Variants in CHL1 observed in about 807,000 individuals in gnomAD.
CHL1 encodes cell adhesion molecule L1 like, also known as neural cell adhesion molecule L1-like protein.
A neutral mutation model predicts 141.9 loss-of-function variants in CHL1; 96 were observed. The ratio of observed to expected loss-of-function variants is 0.68; its 90% CI spans 0.57 to 0.80. The LOEUF is 0.80. Among genes scored for constraint, CHL1 ranks in the 30% least tolerant of loss-of-function variants. The pLI, the probability that CHL1 is intolerant of heterozygous loss-of-function variation, is 0.00. For missense variants in CHL1, 1,820 were observed against 1,457.2 expected, an observed-to-expected ratio of 1.25 and a Z score of -4.05; for synonymous variants, 613 against 502.2, an observed-to-expected ratio of 1.22 and a Z score of -2.95.
intron 1 of CHL1, among the ~76,000 whole-genome samples, chr3:217,187 A>T (rs963850908): frequency 6.6e-6 from 1 of 152,114 alleles, no homozygotes; most frequent in African/African-American, 2.4e-5. Flanking sequence ...AACAGAAAAA[A>T]AATTACCCAT....
chr3:278,923 G>C (rs955597573), intron 2 of CHL1, among the ~76,000 whole-genome samples: 18 of 152,326 alleles, frequency 1.2e-4, no homozygotes, highest in African/African-American at 4.1e-4. Context: ...ATGAGTTTCA[G>C]ATGTGAGTTT....
chr3:266,946 A>G (rs577072564), intron 2 of CHL1, among the ~76,000 whole-genome samples: 21 of 152,288 alleles, frequency 1.4e-4, no homozygotes, highest in African/African-American at 5.1e-4. Context: ...AATACTAGGA[A>G]TCAAGTCTGC....
rs544482348 is a variant in CHL1 at position 199,986 on chromosome 3, C to A, written c.-175+2923C>A. 1.3e-3 allele frequency among the ~76,000 whole-genome samples: 192 copies of A among 152,258 alleles called. 1 individual carries two copies. The highest frequency in any genetic ancestry group is 4.3e-3 in the African/African-American group (180 of 41,552). Reference sequence around the variant, plus strand: ...ATACTGAGAGTATTACTTCAGGTAGCAGTGTTTGGCTTTGCAAGACAACCC... The same window carrying A: ...ATACTGAGAGTATTACTTCAGGTAGAAGTGTTTGGCTTTGCAAGACAACCC... On this transcript the variant is annotated intron_variant, in intron 1 of 27. Transcript: ENST00000256509.
chr3:216,708 C>A (rs1047555113), intron 1 of CHL1, among the ~76,000 whole-genome samples: 59 of 152,288 alleles, frequency 3.9e-4, no homozygotes, highest in African/African-American at 1.3e-3. Context: ...CCAAAGTGAA[C>A]TCTACATTTT....
At chr3:271,979 A>G (rs1695671851) in intron 2 of CHL1, among the ~76,000 whole-genome samples, 1 of 152,232 alleles carries the variant, frequency 6.6e-6, no homozygotes, top group East Asian at 1.9e-4. Flanking sequence ...CTCTTTTGAT[A>G]GGTGCTGACT....
At chr3:306,834 A>C (rs1211651095) in intron 2 of CHL1, among the ~76,000 whole-genome samples, 2 of 152,180 alleles carry the variant, frequency 1.3e-5, no homozygotes, top group African/African-American at 4.8e-5. Context: ...GTCATATTCA[A>C]ATGCTTAATG....
At chr3:281,663 G>A (rs142142566) in intron 2 of CHL1, among the ~76,000 whole-genome samples, 26 of 150,946 alleles carry the variant, frequency 1.7e-4, no homozygotes, top group South Asian at 2.1e-4. Flanking sequence ...GGGTTCAAGC[G>A]ATTCTCATGC....
At chr3:278,185 C>T (rs997264161) in intron 2 of CHL1, among the ~76,000 whole-genome samples, 3 of 152,178 alleles carry the variant, frequency 2.0e-5, no homozygotes, top group East Asian at 3.8e-4. Context: ...ATTAAAATTA[C>T]AAGAATATCC....
rs998607648 is a variant in CHL1 at position 328,415 on chromosome 3, T to C, written c.385+61T>C. On this transcript the variant is annotated intron_variant, in intron 5 of 27. Transcript: ENST00000256509. Reference sequence around the variant, plus strand: ...TTTTAGTGAAGTGTTAAATAGGAGTTAGATTGGGTTCCAATGAAATAAAGC... The same window carrying C: ...TTTTAGTGAAGTGTTAAATAGGAGTCAGATTGGGTTCCAATGAAATAAAGC... The C allele has an allele frequency of 1.1e-5, 14 of 1,329,142 alleles. No individual in the cohort carries two copies. In the African/African-American group the frequency reaches 1.9e-4, roughly 18 times the overall value. 82.3% of individuals were successfully genotyped at this position (1,329,142 alleles called of 1,614,324 possible). A position where few individuals can be genotyped will look rare whatever the true frequency, so the allele number is the denominator to read the frequency against.
intron 5 of CHL1, among the ~76,000 whole-genome samples, chr3:331,769 G>C (rs1454350690): frequency 6.6e-6 from 1 of 152,074 alleles, no homozygotes; most frequent in Non-Finnish European, 1.5e-5. Flanking sequence ...AAATGACAAA[G>C]TGGCAACATA....
In CHL1 at chr3:382,312, C is replaced by T. The variant is rs371879641; in HGVS notation, c.1978+32C>T. 379 of 1,572,476 alleles carry T rather than the reference C, an allele frequency of 2.4e-4. 6 individuals carry two copies. In the South Asian group the frequency reaches 4.1e-3, roughly 17 times the overall value. Reference sequence around the variant, plus strand: ...AGACTTGGGATAACTGTTTTCATTACTCTAGATAGTCAAAATTAATAGCGA... The same window carrying T: ...AGACTTGGGATAACTGTTTTCATTATTCTAGATAGTCAAAATTAATAGCGA... On this transcript the variant is annotated intron_variant, in intron 17 of 27. Transcript: ENST00000256509.
chr3:242,066 A>G (rs1003918261), intron 1 of CHL1, among the ~76,000 whole-genome samples: 2 of 152,182 alleles, frequency 1.3e-5, no homozygotes, highest in Non-Finnish European at 2.9e-5. Context: ...CCTCCACTAT[A>G]TGTATATCCT....
At chr3:368,120 T>G (rs779476147) in intron 15 of CHL1, among the ~76,000 whole-genome samples, 11 of 152,186 alleles carry the variant, frequency 7.2e-5, no homozygotes, top group Non-Finnish European at 1.2e-4. Context: ...CCAAGTAATG[T>G]GATTGCTGGG....
At chr3:296,828 A>G (rs1698229469) in intron 2 of CHL1, among the ~76,000 whole-genome samples, 1 of 152,342 alleles carries the variant, frequency 6.6e-6, no homozygotes, top group African/African-American at 2.4e-5. Flanking sequence ...ACCAATGTTT[A>G]TATATTTCTT....
intron 2 of CHL1, among the ~76,000 whole-genome samples, chr3:307,311 A>G (rs868530326): frequency 6.6e-6 from 1 of 152,208 alleles, no homozygotes; most frequent in Non-Finnish European, 1.5e-5. Flanking sequence ...CACATGCACA[A>G]GCATGCATTT....
chr3:357,711 T>C (rs374214507), intron 11 of CHL1, among the ~76,000 whole-genome samples: 5 of 152,250 alleles, frequency 3.3e-5, no homozygotes, highest in African/African-American at 1.2e-4. Flanking sequence ...TTAGCCTTTG[T>C]CAATACACAA....
At chr3:273,984 C>A (rs1695865838) in intron 2 of CHL1, among the ~76,000 whole-genome samples, 1 of 152,178 alleles carries the variant, frequency 6.6e-6, no homozygotes, top group Admixed American at 6.5e-5. Context: ...ACATGGCCTA[C>A]AAAGCCTCAA....
At chr3:382,915 T>C (rs191948130) in intron 18 of CHL1, among the ~76,000 whole-genome samples, 3 of 152,282 alleles carry the variant, frequency 2.0e-5, no homozygotes, top group African/African-American at 7.2e-5. Flanking sequence ...CTTTCAGTAA[T>C]TTTGTGATGG....
At chr3:246,526 C>T (rs1693187129) in intron 2 of CHL1, 1 of 152,084 alleles carries the variant, frequency 6.6e-6, no homozygotes, top group Non-Finnish European at 1.5e-5. Context: ...CCCACACCCA[C>T]ACACAAACAC....
Sources: allele counts gnomAD v4.1 joint callset (sites outside exome capture counted in the v4.1 genomes callset), GRCh38; gene constraint gnomAD v4.1.1; transcripts MANE v1.5; gene names NCBI Gene and HGNC (gene_info 2026-07-23, HGNC 2026-07-21).